The following LPP variants were observed in gnomAD, a reference collection of about 807,000 sequenced individuals.
The protein encoded by LPP is LIM domain containing preferred translocation partner in lipoma.
Under a neutral mutation model 60.4 loss-of-function variants are expected in LPP, and 38 were observed. That is an observed-to-expected ratio of 0.63 (90% CI 0.49 to 0.83). The LOEUF (loss-of-function observed/expected upper bound fraction) is 0.83, where lower values mean the gene tolerates loss of function less well. Among genes scored for constraint, LPP ranks in the 40% least tolerant of loss-of-function variants. The pLI is 0.00. For synonymous variants in LPP, 328 were observed against 290.8 expected, an observed-to-expected ratio of 1.13 and a Z score of -1.30; for missense variants, 902 against 783.6, an observed-to-expected ratio of 1.15 and a Z score of -1.80.
At chr3:188,592,042 T>C (rs1219797881) in intron 6 of LPP, among the ~76,000 whole-genome samples, 1 of 152,188 alleles carries the variant, frequency 6.6e-6, no homozygotes, top group Non-Finnish European at 1.5e-5. Context: ...CAAATCTTTT[T>C]AACAGAAACA....
At chr3:188,691,170 T>A (rs561277452) in intron 7 of LPP, among the ~76,000 whole-genome samples, 1 of 152,344 alleles carries the variant, frequency 6.6e-6, no homozygotes, top group South Asian at 2.1e-4. Context: ...TTAAACTTTA[T>A]TCATTTTTAG....
At chr3:188,232,901 T>C in intron 2 of LPP, among the ~76,000 whole-genome samples, 1 of 152,012 alleles carries the variant, frequency 6.6e-6, no homozygotes, top group East Asian at 1.9e-4. Flanking sequence ...AGCAGCGTAA[T>C]GTCTATAAAG....
At chr3:188,696,911 A>G (rs1259198000) in intron 7 of LPP, among the ~76,000 whole-genome samples, 2 of 152,162 alleles carry the variant, frequency 1.3e-5, no homozygotes, top group Non-Finnish European at 2.9e-5. Context: ...ATTTGTGGAT[A>G]ATTTAATATA....
At chr3:188,856,843 A>G (rs2151908634) in intron 9 of LPP, among the ~76,000 whole-genome samples, 1 of 152,302 alleles carries the variant, frequency 6.6e-6, no homozygotes. Flanking sequence ...ATCTGCTCTG[A>G]GCTCTTAGCC....
intron 6 of LPP, among the ~76,000 whole-genome samples, chr3:188,586,918 G>A (rs1052409968): frequency 8.6e-5 from 13 of 151,800 alleles, no homozygotes; most frequent in African/African-American, 2.4e-4. Flanking sequence ...TAGTAGAGAC[G>A]GGGGTTTCCA....
intron 1 of LPP, among the ~76,000 whole-genome samples, chr3:188,172,963 G>T (rs1363453109): frequency 6.6e-6 from 1 of 152,146 alleles, no homozygotes; most frequent in Non-Finnish European, 1.5e-5. Flanking sequence ...GACCTTCTGG[G>T]TTCAAGCAAT....
intron 6 of LPP, among the ~76,000 whole-genome samples, chr3:188,576,104 A>G (rs1298364938): frequency 6.6e-6 from 1 of 152,080 alleles, no homozygotes; most frequent in African/African-American, 2.4e-5. Context: ...AGTATTTCTT[A>G]TTTTATTTAA....
chr3:188,562,017 T>G (rs77159850), intron 6 of LPP, among the ~76,000 whole-genome samples: 3,003 of 151,748 alleles, frequency 0.02, 39 homozygotes, highest in Admixed American at 0.042. Context: ...ATGTGGAGGC[T>G]TCTACAGTGT....
At position 188,884,756 on chromosome 3, in the gene LPP, G is replaced by A. The variant is rs1286621414; in HGVS notation, c.*10277G>A. 2.2e-5 allele frequency: 5 copies of A among 225,954 alleles called. No individual in the cohort carries two copies. Among genetic ancestry groups the A allele is most frequent in the Middle Eastern group, 1.3e-3 (1 of 742 alleles). 14.0% of individuals were successfully genotyped at this position (225,954 alleles called of 1,614,324 possible). ...TGTACGTTCCACAGAGGCAGAAACCGCCGTAGGTTAGCAATGCATTTTAGT... is the reference window on the plus strand; with the variant it reads ...TGTACGTTCCACAGAGGCAGAAACCACCGTAGGTTAGCAATGCATTTTAGT... On this transcript the variant is annotated 3_prime_UTR_variant, in exon 12 of 12. Coordinates refer to ENST00000617246, the MANE Select transcript of LPP (RefSeq NM_001375462.1).
chr3:188,606,847 A>G (rs927917529), intron 6 of LPP, among the ~76,000 whole-genome samples: 7 of 152,070 alleles, frequency 4.6e-5, no homozygotes, highest in African/African-American at 1.7e-4. Context: ...CTTTTCTTTG[A>G]TGACTCAAGA....
At chr3:188,750,100 C>T (rs1727594491) in intron 8 of LPP, among the ~76,000 whole-genome samples, 1 of 152,202 alleles carries the variant, frequency 6.6e-6, no homozygotes, top group Non-Finnish European at 1.5e-5. Flanking sequence ...GCTACCTCCT[C>T]ACATGGCAGA....
chr3:188,674,109 C>T (rs1444618269), intron 7 of LPP, among the ~76,000 whole-genome samples: 1 of 151,904 alleles, frequency 6.6e-6, no homozygotes, highest in Non-Finnish European at 1.5e-5. Context: ...GCTGAATTTG[C>T]CTAAAAGCCC....
At chr3:188,337,886 A>G (rs556168470) in intron 2 of LPP, among the ~76,000 whole-genome samples, 3 of 152,308 alleles carry the variant, frequency 2.0e-5, no homozygotes, top group South Asian at 2.1e-4. Context: ...CTGGTTGGCC[A>G]TGCTACTGAT....
rs1460730701 is a variant in LPP, at chr3:188,876,473, G to A, written c.*1994G>A. On this transcript the variant is annotated 3_prime_UTR_variant, in exon 12 of 12. Coordinates refer to ENST00000617246, the MANE Select transcript of LPP (RefSeq NM_001375462.1). Reference sequence around the variant, plus strand: ...TTTCTCATAATGTGAAATATGATGAGATTCACTTAGGGGCAGCATGTTAGT... The same window carrying A: ...TTTCTCATAATGTGAAATATGATGAAATTCACTTAGGGGCAGCATGTTAGT... 2 of 199,716 alleles carry A rather than the reference G, an allele frequency of 1.0e-5. No homozygotes were observed. The highest frequency in any genetic ancestry group is 4.6e-5 in the African/African-American group (2 of 43,378). The allele number at this position is 199,716 out of a possible 1,614,324, so 12.4% of individuals were successfully genotyped here. A position where few individuals can be genotyped will look rare whatever the true frequency, so the allele number is the denominator to read the frequency against.
intron 8 of LPP, among the ~76,000 whole-genome samples, chr3:188,744,546 TTA>T (rs1231229983): frequency 6.6e-6 from 1 of 152,178 alleles, no homozygotes; most frequent in Non-Finnish European, 1.5e-5. Context: ...CTTGGACAAG[TTA>T]TTTAACTATC....
At chr3:188,768,970 G>A (rs952945260) in intron 9 of LPP, among the ~76,000 whole-genome samples, 1 of 152,090 alleles carries the variant, frequency 6.6e-6, no homozygotes, top group African/African-American at 2.4e-5. Context: ...ACAAATGATT[G>A]ATTATTCTTC....
intron 1 of LPP, among the ~76,000 whole-genome samples, chr3:188,222,517 A>T (rs1716174356): frequency 6.6e-6 from 1 of 152,196 alleles, no homozygotes; most frequent in African/African-American, 2.4e-5. Flanking sequence ...GCTTTGAGAA[A>T]ATCCTTTACA....
chr3:188,531,982 C>A (rs1436550914), intron 6 of LPP, among the ~76,000 whole-genome samples: 1 of 152,054 alleles, frequency 6.6e-6, no homozygotes, highest in African/African-American at 2.4e-5. Context: ...GGACTTGAAC[C>A]CTTAACCTGT....
Position 188,217,539 on chromosome 3 carries a change from G to T in LPP, c.-189-7866G>T, listed in dbSNP as rs1714114367. Among the ~76,000 whole-genome samples the T allele has an allele frequency of 6.6e-6, 1 of 152,258 alleles. No individual in the cohort carries two copies. The highest frequency in any genetic ancestry group is 2.4e-5 in the African/African-American group (1 of 41,540). ...TCAAGGGTAGAAGCAAGAAGGTTAG[G>T]CTAGACTTTTACCGTAATTCAGGTG... On this transcript the variant is annotated intron_variant, in intron 1 of 11. Transcript: ENST00000617246. The surrounding 1 kb of genome is among the most constrained non-coding windows in gnomAD (Gnocchi z 4.0).
Sources: gnomAD v4.1 joint callset for allele counts (sites outside exome capture counted in the v4.1 genomes callset) on GRCh38, gnomAD v4.1.1 for gene constraint, Gnocchi (gnomAD v3.1) non-coding constraint, MANE v1.5 for transcripts, NCBI Gene and HGNC (gene_info 2026-07-23, HGNC 2026-07-21) for gene names.